CREM: variants seen among roughly 807,000 people sequenced by gnomAD.
The protein encoded by CREM is cAMP-responsive element modulator.
A neutral mutation model predicts 37.3 loss-of-function variants in CREM; 13 were observed. The observed-to-expected ratio is 0.35, with a 90% CI of 0.23 to 0.55. CREM has a LOEUF of 0.55. CREM is among the 20% of genes least tolerant of loss of function. The pLI is 0.88. For missense variants in CREM, 296 were observed against 362.3 expected (o/e 0.82, Z 1.49); for synonymous variants, 124 against 120.2 (o/e 1.03, Z -0.21).
intron 5 of CREM, chr10:35,179,657 C>G (rs1407524629): frequency 5.7e-6 from 1 of 175,802 alleles, no homozygotes; most frequent in African/African-American, 2.4e-5. Context: ...ACTATTCTTA[C>G]TAATCTGAGA....
chr10:35,149,023 G>A (rs1019283918), intron 3 of CREM, among the ~76,000 whole-genome samples: 1 of 152,180 alleles, frequency 6.6e-6, no homozygotes, highest in African/African-American at 2.4e-5. Flanking sequence ...TTTATTGAAT[G>A]TCTGCTGTGT....
chr10:35,147,542 T>C lies in CREM; in HGVS notation c.45-826T>C, dbSNP rs548388055. On this transcript the variant is annotated intron_variant, in intron 2 of 7. Coordinates refer to ENST00000685392, the MANE Select transcript of CREM (RefSeq NM_183011.2). ...AAATTAGGTCCTCTTTTTTCAATAA[T>C]TGGGGCTTGTTTATCAGAAACGACT... Among the ~76,000 whole-genome samples the C allele has an allele frequency of 5.9e-5, 9 of 152,236 alleles. No homozygotes were observed. The East Asian group carries it at 1.7e-3, about 29-fold the overall frequency.
intron 1 of CREM, among the ~76,000 whole-genome samples, chr10:35,128,758 C>G (rs2088643808): frequency 6.6e-6 from 1 of 152,110 alleles, no homozygotes. Flanking sequence ...ATCTCCTGAC[C>G]TCGTGATCCG....
chr10:35,188,463 G>GT (rs1361342637), intron 6 of CREM, 75 bp downstream of exon 6: 2 of 1,335,726 alleles, frequency 1.5e-6, no homozygotes, highest in Non-Finnish European at 2.0e-6. Flanking sequence ...TGATTTTATA[G>GT]TTTTTTGAAA....
Position 35,148,355 on chromosome 10 carries a change from A to G in CREM, c.45-13A>G. On this transcript the variant is annotated splice_polypyrimidine_tract_variant and intron_variant, in intron 2 of 7. Coordinates refer to ENST00000685392, the MANE Select transcript of CREM (RefSeq NM_183011.2). ...AGGGCCTTAATTTGTCTTCCTTTTT[A>G]TTGTCTTTTCAGACAAATGACCATG... is the stretch of plus-strand genomic sequence containing the variant. 6.2e-7 allele frequency: 1 copy of G among 1,603,136 alleles called. No individual in the cohort carries two copies.
At chr10:35,176,439 G>A (rs1167178127) in intron 3 of CREM, among the ~76,000 whole-genome samples, 2 of 133,718 alleles carry the variant, frequency 1.5e-5, no homozygotes, top group African/African-American at 2.8e-5. Flanking sequence ...ACAGAGTCTC[G>A]CTTTGTCGCC....
At chr10:35,195,078 G>A (rs2095093493) in intron 6 of CREM, 1 of 1,106,078 alleles carries the variant, frequency 9.0e-7, no homozygotes, top group South Asian at 1.4e-5. Flanking sequence ...GGCTAGTGAT[G>A]TCATTGTGAT....
intron 1 of CREM, among the ~76,000 whole-genome samples, chr10:35,131,807 A>C (rs951917881): frequency 6.6e-6 from 1 of 152,234 alleles, no homozygotes; most frequent in African/African-American, 2.4e-5. Flanking sequence ...ATACGTAGAT[A>C]TGTGTTTTCA....
chr10:35,207,786 A>G (rs1398016891), intron 7 of CREM, among the ~76,000 whole-genome samples: 1 of 151,980 alleles, frequency 6.6e-6, no homozygotes, highest in Admixed American at 6.6e-5. Flanking sequence ...AAAAAAAATT[A>G]CAGTTTTCAT....
intron 3 of CREM, among the ~76,000 whole-genome samples, chr10:35,163,850 C>A (rs2093411412): frequency 6.6e-6 from 1 of 150,830 alleles, no homozygotes; most frequent in South Asian, 2.1e-4. Flanking sequence ...CAAAAAAAAA[C>A]AATTAGTTGA....
At chr10:35,198,915 C>T (rs1342689973) in intron 6 of CREM, among the ~76,000 whole-genome samples, 3 of 151,702 alleles carry the variant, frequency 2.0e-5, no homozygotes, top group Non-Finnish European at 4.4e-5. Context: ...TTTGGGAGAC[C>T]GAGGTGGGCT....
At chr10:35,211,141 G>A in intron 7 of CREM, 113 bp from the exon 8 acceptor site, 1 of 1,144,452 alleles carries the variant, frequency 8.7e-7, no homozygotes, top group Non-Finnish European at 1.2e-6. Context: ...GCTTTGTACA[G>A]TCCTTACCTA....
chr10:35,131,558 A>G (rs1341281342), intron 1 of CREM, among the ~76,000 whole-genome samples: 1 of 152,204 alleles, frequency 6.6e-6, no homozygotes, highest in East Asian at 1.9e-4. Context: ...ATCACACATA[A>G]AGACCCACAT....
intron 6 of CREM, chr10:35,196,166 A>G (rs2095157085): frequency 9.7e-6 from 15 of 1,549,714 alleles, no homozygotes; most frequent in Middle Eastern, 1.7e-4. Flanking sequence ...TATGTATTGT[A>G]TAAGCTGGCG....
intron 3 of CREM, among the ~76,000 whole-genome samples, chr10:35,152,028 A>T (rs2092632216): frequency 1.3e-5 from 2 of 152,172 alleles, no homozygotes; most frequent in Admixed American, 1.3e-4. Context: ...TGAATTTCTG[A>T]TGGCTTCATA....
intron 1 of CREM, among the ~76,000 whole-genome samples, chr10:35,136,369 A>T (rs1053984055): frequency 6.6e-6 from 1 of 152,296 alleles, no homozygotes; most frequent in East Asian, 1.9e-4. Flanking sequence ...AGTGTCTAGT[A>T]TGAGGGGGTG....
intron 3 of CREM, among the ~76,000 whole-genome samples, chr10:35,151,558 T>A (rs894554090): frequency 6.6e-6 from 1 of 152,126 alleles, no homozygotes; most frequent in African/African-American, 2.4e-5. Flanking sequence ...GTGTTTTTAG[T>A]AGAGAGGGTT....
chr10:35,176,108 T>G, intron 3 of CREM: 1 of 1,389,744 alleles, frequency 7.2e-7, no homozygotes, highest in African/African-American at 1.5e-5. Context: ...TACGCAAATC[T>G]TTTTATTAGA....
chr10:35,147,314 A>T (rs1424742321), intron 2 of CREM, among the ~76,000 whole-genome samples: 1 of 151,926 alleles, frequency 6.6e-6, no homozygotes, highest in African/African-American at 2.4e-5. Context: ...CAGCCTCCCA[A>T]AGTGCTGGGA....
Sources: allele counts gnomAD v4.1 joint callset (sites outside exome capture counted in the v4.1 genomes callset), GRCh38; gene constraint gnomAD v4.1.1; transcripts MANE v1.5; gene names NCBI Gene and HGNC (gene_info 2026-07-23, HGNC 2026-07-21).